The following SLC35F1 variants were observed in gnomAD, a reference collection of about 807,000 sequenced individuals.
SLC35F1 encodes the protein chromosome 6 open reading frame 169.
SLC35F1 carries 14 observed loss-of-function variants against 48.7 expected under a neutral mutation model. That is an observed-to-expected ratio of 0.29 (90% CI 0.19 to 0.45). The LOEUF is 0.45. Among genes scored for constraint, SLC35F1 ranks in the 20% least tolerant of loss-of-function variants. The probability of loss-of-function intolerance (pLI) is 1.00; values close to 1 mark genes in which losing one functional copy is unlikely to be tolerated. For synonymous variants in SLC35F1, 190 were observed against 202.2 expected (o/e 0.94, Z 0.51); for missense variants, 404 against 500.0 (o/e 0.81, Z 1.83).
rs576735373 is a variant in SLC35F1 at position 118,258,689 on chromosome 6, A to G, written c.478-8306A>G. On this transcript the variant is annotated intron_variant, in intron 3 of 7. Transcript: ENST00000360388. ...AAGCTACAGCAATTAAAGCAACATG[A>G]TACTGTTGGTAGTATGGTATATAAC... Among the ~76,000 whole-genome samples the G allele has an allele frequency of 3.9e-5, 6 of 152,140 alleles. No individual in the cohort carries two copies. The East Asian group carries it at 1.2e-3, about 29-fold the overall frequency.
chr6:118,223,792 A>G (rs749848392), intron 2 of SLC35F1, among the ~76,000 whole-genome samples: 1 of 152,210 alleles, frequency 6.6e-6, no homozygotes, highest in Non-Finnish European at 1.5e-5. Flanking sequence ...AGATGCTCTC[A>G]TGTCAGAGCT....
chr6:118,071,055 A>C (rs1772708959), intron 1 of SLC35F1, among the ~76,000 whole-genome samples: 1 of 133,544 alleles, frequency 7.5e-6, no homozygotes, highest in South Asian at 2.3e-4. Context: ...CATAGTATAT[A>C]TATTCTACGT....
intron 1 of SLC35F1, among the ~76,000 whole-genome samples, chr6:118,113,948 T>C (rs561983045): frequency 2.6e-5 from 4 of 152,254 alleles, no homozygotes; most frequent in Non-Finnish European, 5.9e-5. Context: ...ATATCTGCAA[T>C]GTTCAATGAC....
chr6:118,036,856 A>G (rs1346823792), intron 1 of SLC35F1, among the ~76,000 whole-genome samples: 1 of 152,146 alleles, frequency 6.6e-6, no homozygotes, highest in Non-Finnish European at 1.5e-5. Context: ...CCACCATGGC[A>G]GGGCTGGATT....
At chr6:117,966,149 G>A (rs903348387) in intron 1 of SLC35F1, among the ~76,000 whole-genome samples, 35 of 50,444 alleles carry the variant, frequency 6.9e-4, no homozygotes, top group Non-Finnish European at 1.2e-3. Flanking sequence ...CCCCACTCCC[G>A]CCCCGCCCCA....
chr6:118,093,055 T>C (rs754311180), intron 1 of SLC35F1, among the ~76,000 whole-genome samples: 56 of 152,102 alleles, frequency 3.7e-4, no homozygotes, highest in Admixed American at 1.8e-3. Flanking sequence ...CGGTGGCTCA[T>C]GCCTGTAATC....
intron 2 of SLC35F1, among the ~76,000 whole-genome samples, chr6:118,212,724 AG>A (rs1775016549): frequency 1.7e-5 from 2 of 120,142 alleles, no homozygotes; most frequent in East Asian, 2.2e-4. Flanking sequence ...GAAGGAAGGA[AG>A]GAAAGGAAGG....
At chr6:117,992,832 G>A (rs1204179735) in intron 1 of SLC35F1, among the ~76,000 whole-genome samples, 4 of 152,172 alleles carry the variant, frequency 2.6e-5, no homozygotes, top group Admixed American at 6.5e-5. Flanking sequence ...TCTCTGAAGA[G>A]TACTTTAGTT....
chr6:118,107,374 G>A (rs1442761234), intron 1 of SLC35F1, among the ~76,000 whole-genome samples: 1 of 152,006 alleles, frequency 6.6e-6, no homozygotes, highest in Non-Finnish European at 1.5e-5. Flanking sequence ...TTCTCCCATT[G>A]TCCTTTGGAC....
At chr6:117,969,466 G>C (rs973918357) in intron 1 of SLC35F1, among the ~76,000 whole-genome samples, 1 of 152,122 alleles carries the variant, frequency 6.6e-6, no homozygotes, top group Non-Finnish European at 1.5e-5. Context: ...ATAATGAAAA[G>C]TATAAAAACA....
At chr6:118,098,042 G>C (rs185244397) in intron 1 of SLC35F1, among the ~76,000 whole-genome samples, 68 of 152,230 alleles carry the variant, frequency 4.5e-4, no homozygotes, top group Non-Finnish European at 8.5e-4. Flanking sequence ...AATAACAGCA[G>C]AGTACTTTGA....
intron 1 of SLC35F1, among the ~76,000 whole-genome samples, chr6:117,924,845 G>C (rs185933870): frequency 6.6e-6 from 1 of 152,182 alleles, no homozygotes; most frequent in Non-Finnish European, 1.5e-5. Context: ...CCTCTGTGCA[G>C]GGTTGAGTGA....
chr6:118,308,447 T>G (rs1776337109), intron 7 of SLC35F1, among the ~76,000 whole-genome samples: 1 of 152,234 alleles, frequency 6.6e-6, no homozygotes, highest in South Asian at 2.1e-4. Context: ...AAATTCTCCC[T>G]ACTAGCTCCG....
intron 2 of SLC35F1, among the ~76,000 whole-genome samples, chr6:118,196,072 C>T (rs567758406): frequency 2.0e-5 from 3 of 152,234 alleles, no homozygotes; most frequent in Non-Finnish European, 2.9e-5. Flanking sequence ...CTGATCAGAA[C>T]AAATTTGTAG....
intron 3 of SLC35F1, among the ~76,000 whole-genome samples, chr6:118,250,198 T>A (rs572430187): frequency 5.3e-5 from 8 of 152,198 alleles, no homozygotes; most frequent in Non-Finnish European, 1.0e-4. Context: ...CCTGCACCTA[T>A]ACTGCCTCCC....
chr6:117,968,614 G>A (rs1392482819), intron 1 of SLC35F1, among the ~76,000 whole-genome samples: 1 of 152,144 alleles, frequency 6.6e-6, no homozygotes, highest in South Asian at 2.1e-4. Context: ...GTGAGATTTG[G>A]ATTGACAGTT....
At chr6:118,175,840 G>A (rs768573494) in intron 2 of SLC35F1, among the ~76,000 whole-genome samples, 31 of 152,066 alleles carry the variant, frequency 2.0e-4, no homozygotes, top group Non-Finnish European at 3.8e-4. Flanking sequence ...GAAAGTATCC[G>A]TAGTCATTCC....
intron 3 of SLC35F1, among the ~76,000 whole-genome samples, chr6:118,258,960 C>T (rs1032409142): frequency 2.6e-5 from 4 of 151,694 alleles, no homozygotes; most frequent in Admixed American, 6.6e-5. Flanking sequence ...TTGACTACTT[C>T]GCTGATTTGG....
intron 1 of SLC35F1, among the ~76,000 whole-genome samples, chr6:118,153,251 G>A (rs1774089728): frequency 6.9e-6 from 1 of 145,274 alleles, no homozygotes; most frequent in Non-Finnish European, 1.5e-5. Context: ...ACAAACTAGA[G>A]TGATATAGTT....
Sources: gnomAD v4.1 joint callset for allele counts (sites outside exome capture counted in the v4.1 genomes callset) on GRCh38, gnomAD v4.1.1 for gene constraint, MANE v1.5 for transcripts, NCBI Gene and HGNC (gene_info 2026-07-23, HGNC 2026-07-21) for gene names.